IRF8: variants seen among roughly 807,000 people sequenced by gnomAD.
IRF8 encodes interferon regulatory factor 8, also known as interferon consensus sequence binding protein 1.
In IRF8, 14 loss-of-function variants were observed where a neutral mutation model predicts 48.7. That is an observed-to-expected ratio of 0.29 (90% confidence interval 0.19 to 0.45). IRF8 has a LOEUF of 0.45. IRF8 is among the 20% of genes least tolerant of loss of function. The pLI, the probability that IRF8 is intolerant of heterozygous loss-of-function variation, is 1.00. For missense variants in IRF8, 493 were observed against 580.7 expected (o/e 0.85, Z 1.55); for synonymous variants, 278 against 227.3 (o/e 1.22, Z -2.01).
intron 3 of IRF8, 41 bp downstream of exon 3, chr16:85,909,214 C>T: frequency 1.3e-6 from 2 of 1,572,220 alleles, no homozygotes; most frequent in South Asian, 1.1e-5. Context: ...CAGAAGCTGC[C>T]CTGGCCTGTA....
chr16:85,910,715 G>A (rs1203491285), intron 3 of IRF8, among the ~76,000 whole-genome samples: 3 of 152,170 alleles, frequency 2.0e-5, no homozygotes, highest in Non-Finnish European at 2.9e-5. Context: ...GGGCCCACTC[G>A]CCTCTAACCT....
At chr16:85,900,279 A>G (rs543013224) in intron 1 of IRF8, among the ~76,000 whole-genome samples, 1 of 152,224 alleles carries the variant, frequency 6.6e-6, no homozygotes, top group East Asian at 1.9e-4. Flanking sequence ...ACCTCTTATC[A>G]CGTCCCTCCT....
intron 4 of IRF8, 104 bp downstream of exon 4, chr16:85,911,762 T>C (rs1905150755): frequency 1.1e-6 from 1 of 919,162 alleles, no homozygotes. Flanking sequence ...AGCCAGACCC[T>C]CGGGCTCGCT....
intron 6 of IRF8, among the ~76,000 whole-genome samples, chr16:85,918,112 G>A (rs1304810124): frequency 1.3e-5 from 2 of 152,178 alleles, no homozygotes; most frequent in Non-Finnish European, 2.9e-5. Context: ...TCAGCTTGAC[G>A]TGTAAATTAC....
chr16:85,908,942 T>C, intron 2 of IRF8, 48 bp from the exon 3 acceptor site: 1 of 1,501,088 alleles, frequency 6.7e-7, no homozygotes, highest in Non-Finnish European at 9.3e-7. Context: ...CGGATATTTG[T>C]GATTGGAGTC....
intron 1 of IRF8, among the ~76,000 whole-genome samples, chr16:85,901,800 T>A (rs1162177911): frequency 6.6e-6 from 1 of 152,228 alleles, no homozygotes; most frequent in Non-Finnish European, 1.5e-5. Flanking sequence ...AAGGTTCTGA[T>A]TGATATTTTG....
intron 8 of IRF8, 94 bp from the exon 9 acceptor site, chr16:85,921,012 G>A: frequency 1.6e-6 from 2 of 1,259,612 alleles, no homozygotes; most frequent in Non-Finnish European, 1.1e-6. Flanking sequence ...ACGTGGCACT[G>A]GGGTCATCAG....
At chr16:85,914,416 A>C (rs1257496064) in intron 5 of IRF8, 57 bp from the exon 6 acceptor site, 1 of 1,605,772 alleles carries the variant, frequency 6.2e-7, no homozygotes, top group Non-Finnish European at 8.5e-7. Context: ...GATTGGGGTT[A>C]CTCCCTGTAC....
intron 1 of IRF8, among the ~76,000 whole-genome samples, chr16:85,902,359 A>G (rs1044182583): frequency 6.6e-6 from 1 of 152,196 alleles, no homozygotes; most frequent in African/African-American, 2.4e-5. Context: ...TGTTAGCTGC[A>G]TCTGGGACTG....
chr16:85,906,893 A>C (rs1340212229), intron 2 of IRF8, among the ~76,000 whole-genome samples: 2 of 152,182 alleles, frequency 1.3e-5, no homozygotes. Context: ...CCACCCCGCC[A>C]CAAAGAAGGG....
chr16:85,904,927 A>G (rs938847658), intron 2 of IRF8, among the ~76,000 whole-genome samples: 4 of 149,916 alleles, frequency 2.7e-5, no homozygotes, highest in African/African-American at 9.9e-5. Flanking sequence ...TGCATTATAG[A>G]TAACCCCAAA....
intron 6 of IRF8, among the ~76,000 whole-genome samples, chr16:85,916,430 C>T (rs190869642): frequency 1.1e-4 from 17 of 152,288 alleles, no homozygotes; most frequent in South Asian, 8.3e-4. Context: ...AGGGCTGGGT[C>T]GCAGCAGGCC....
rs1431854687 is a variant in IRF8 at position 85,907,818 on chromosome 16, G to C, written c.175-1172G>C. On this transcript the variant is annotated intron_variant, in intron 2 of 8. Transcript: ENST00000268638. ...TTCACAAGCTTCCCAGGGGCAGGGG[G>C]TTGGTATATGCATTAAGCCTGAGAA... is the stretch of plus-strand genomic sequence containing the variant. 3.3e-5 allele frequency among the ~76,000 whole-genome samples: 5 copies of C among 152,280 alleles called. No homozygotes were observed. The East Asian group carries it at 9.6e-4, about 29-fold the overall frequency.
chr16:85,921,691 C>G lies in IRF8; in HGVS notation c.*409C>G, dbSNP rs1344844274. The G allele has an allele frequency of 1.6e-5, 4 of 255,782 alleles. No homozygotes were observed. Among genetic ancestry groups the G allele is most frequent in the African/African-American group, 6.9e-5 (3 of 43,774 alleles). 15.8% of individuals were successfully genotyped at this position (255,782 alleles called of 1,614,324 possible). On this transcript the variant is annotated 3_prime_UTR_variant, in exon 9 of 9. Coordinates refer to ENST00000268638, the MANE Select transcript of IRF8 (RefSeq NM_002163.4). ...CTTGTGAAAACAAGGTTGTTTTTGT[C>G]TTTATCGTTTGTTAGAGTTATAGAT...
chr16:85,900,281 G>T (rs375092287), intron 1 of IRF8, among the ~76,000 whole-genome samples: 2 of 152,154 alleles, frequency 1.3e-5, no homozygotes, highest in Non-Finnish European at 2.9e-5. Flanking sequence ...CTCTTATCAC[G>T]TCCCTCCTGG....
chr16:85,907,190 C>A (rs947218864), intron 2 of IRF8, among the ~76,000 whole-genome samples: 1 of 152,178 alleles, frequency 6.6e-6, no homozygotes, highest in Non-Finnish European at 1.5e-5. Flanking sequence ...GTCTCTTTAC[C>A]CCAGGTAGAG....
At position 85,908,984 on chromosome 16, in the gene IRF8, C is replaced by T. The variant is rs1415536848; in HGVS notation, c.175-6C>T. 6.2e-7 allele frequency: 1 copy of T among 1,613,436 alleles called. No individual in the cohort carries two copies. Among genetic ancestry groups the T allele is most frequent in the African/African-American group, 1.3e-5 (1 of 74,904 alleles). On this transcript the variant is annotated splice_polypyrimidine_tract_variant and splice_region_variant and intron_variant, in intron 2 of 8. Transcript: ENST00000268638. ...GAATTTAATGTGCTTCTGTTTCTTTCTTCAGGCCTGGGCAGTTTTTAAAGG... is the reference window on the plus strand; with the variant it reads ...GAATTTAATGTGCTTCTGTTTCTTTTTTCAGGCCTGGGCAGTTTTTAAAGG...
Position 85,913,360 on chromosome 16 carries a change from C to T in IRF8, c.553+124C>T, listed in dbSNP as rs1053769996. The T allele has an allele frequency of 6.7e-6, 5 of 748,046 alleles. No homozygotes were observed. The African/African-American group carries it at 8.6e-5, about 13-fold the overall frequency. The allele number at this position is 748,046 out of a possible 1,614,324, so 46.3% of individuals were successfully genotyped here. A position where few individuals can be genotyped will look rare whatever the true frequency, so the allele number is the denominator to read the frequency against. On this transcript the variant is annotated intron_variant, in intron 5 of 8. Transcript: ENST00000268638. ...GATCCATGTCTCATTAAAGGTAGCT[C>T]AGCCCTGAGAGGTGAAGAACGATGG...
At chr16:85,902,507 G>T (rs1399694109) in intron 1 of IRF8, among the ~76,000 whole-genome samples, 1 of 152,230 alleles carries the variant, frequency 6.6e-6, no homozygotes, top group Non-Finnish European at 1.5e-5. Flanking sequence ...ATTTAGATGG[G>T]CTGGCCTGAG....
Sources: allele counts gnomAD v4.1 joint callset (sites outside exome capture counted in the v4.1 genomes callset), GRCh38; gene constraint gnomAD v4.1.1; transcripts MANE v1.5; gene names NCBI Gene and HGNC (gene_info 2026-07-23, HGNC 2026-07-21).